Variants in KAZN observed in about 807,000 individuals in gnomAD.
KAZN encodes the protein kazrin.
In KAZN, 40 loss-of-function variants were observed where a neutral mutation model predicts 87.4. The observed-to-expected ratio is 0.46, with a 90% CI of 0.36 to 0.60. The LOEUF is 0.60. Ranked by LOEUF, KAZN falls within the 20% of genes least tolerant of loss-of-function variation. The pLI is 0.00. For synonymous variants in KAZN, 466 were observed against 458.3 expected, an observed-to-expected ratio of 1.02 and a Z score of -0.22; for missense variants, 898 against 1,073.9, an observed-to-expected ratio of 0.84 and a Z score of 2.29.
chr1:14,327,267 C>G (rs1469773116), intron 2 of KAZN, among the ~76,000 whole-genome samples: 1 of 152,118 alleles, frequency 6.6e-6, no homozygotes, highest in Non-Finnish European at 1.5e-5. Flanking sequence ...TGTGTTCTCT[C>G]CAATAGTGGA....
intron 2 of KAZN, among the ~76,000 whole-genome samples, chr1:14,314,205 T>C (rs1457321141): frequency 1.3e-5 from 2 of 152,178 alleles, no homozygotes; most frequent in East Asian, 3.8e-4. Context: ...AAAAAGAGAT[T>C]GCACTACTTG....
chr1:15,026,353 A>C (rs907596432), intron 2 of KAZN, among the ~76,000 whole-genome samples: 1 of 152,184 alleles, frequency 6.6e-6, no homozygotes, highest in South Asian at 2.1e-4. Flanking sequence ...ACAGCTGGGG[A>C]TAGGGAAGCT....
intron 1 of KAZN, among the ~76,000 whole-genome samples, chr1:13,983,220 G>A (rs1286579946): frequency 1.3e-5 from 2 of 152,354 alleles, no homozygotes; most frequent in African/African-American, 4.8e-5. Flanking sequence ...AAGGGGTGGC[G>A]CTCGTGGAGG....
At chr1:14,591,123 G>T (rs1676169019) in intron 2 of KAZN, among the ~76,000 whole-genome samples, 1 of 151,910 alleles carries the variant, frequency 6.6e-6, no homozygotes, top group Admixed American at 6.6e-5. Flanking sequence ...TAGCTTTGTT[G>T]GGGGGACCTC....
intron 1 of KAZN, among the ~76,000 whole-genome samples, chr1:13,936,096 G>GTTTTTTGTTTTTTTT (rs1640726940): frequency 1.2e-5 from 1 of 84,840 alleles, no homozygotes; most frequent in Non-Finnish European, 2.2e-5. Context: ...TACAAGTGCA[G>GTTTTTTGTTTTTTTT]TTTTTTTTTT....
intron 2 of KAZN, among the ~76,000 whole-genome samples, chr1:14,371,410 T>G (rs1401796802): frequency 6.6e-6 from 1 of 152,168 alleles, no homozygotes; most frequent in East Asian, 1.9e-4. Context: ...GGATCAAGGC[T>G]AAGCCCACCC....
At chr1:14,255,307 C>T (rs1298964713) in intron 2 of KAZN, among the ~76,000 whole-genome samples, 1 of 152,038 alleles carries the variant, frequency 6.6e-6, no homozygotes, top group Non-Finnish European at 1.5e-5. Flanking sequence ...CCCTATCACC[C>T]AAACACCTCC....
At chr1:14,256,912 A>C (rs1426927797) in intron 2 of KAZN, among the ~76,000 whole-genome samples, 1 of 152,146 alleles carries the variant, frequency 6.6e-6, no homozygotes, top group Non-Finnish European at 1.5e-5. Flanking sequence ...CTATTTCTTT[A>C]GGAAGTGTTC....
chr1:13,901,896 C>G (rs1267733666), intron 1 of KAZN, among the ~76,000 whole-genome samples: 5 of 152,240 alleles, frequency 3.3e-5, no homozygotes, highest in African/African-American at 1.2e-4. Flanking sequence ...TTTACTTGTG[C>G]TACTGATGTT....
At chr1:14,724,323 C>T (rs1174761471) in intron 1 of KAZN, among the ~76,000 whole-genome samples, 2 of 152,210 alleles carry the variant, frequency 1.3e-5, no homozygotes, top group African/African-American at 4.8e-5. Flanking sequence ...TTCTTATTCT[C>T]TGCACAGTAA....
intron 1 of KAZN, among the ~76,000 whole-genome samples, chr1:13,913,716 G>T (rs1003276358): frequency 3.9e-5 from 6 of 152,176 alleles, no homozygotes; most frequent in Non-Finnish European, 7.3e-5. Flanking sequence ...CTTGGAGGGG[G>T]TGATCCTTTT....
At chr1:14,469,035 AC>A (rs1373856590) in intron 2 of KAZN, among the ~76,000 whole-genome samples, 4 of 152,094 alleles carry the variant, frequency 2.6e-5, no homozygotes, top group African/African-American at 7.2e-5. Flanking sequence ...GAGGCTGACA[AC>A]CAATGTTGAA....
At chr1:14,801,680 TTTTG>T (rs1389765163) in intron 1 of KAZN, among the ~76,000 whole-genome samples, 2 of 141,328 alleles carry the variant, frequency 1.4e-5, no homozygotes, top group Admixed American at 7.2e-5. Flanking sequence ...TTTTTGTTTT[TTTTG>T]TTTTTTTGTT....
chr1:14,084,920 ATG>A (rs1314224575), intron 1 of KAZN, among the ~76,000 whole-genome samples: 3 of 152,142 alleles, frequency 2.0e-5, no homozygotes, highest in African/African-American at 4.8e-5. Flanking sequence ...GTGCATATAT[ATG>A]TGTGTGTGTA....
chr1:14,850,557 A>G (rs1649315756), intron 1 of KAZN, among the ~76,000 whole-genome samples: 2 of 152,174 alleles, frequency 1.3e-5, no homozygotes, highest in South Asian at 4.1e-4. Context: ...GTTTGAACCC[A>G]AGCAACCATC....
At position 14,996,009 on chromosome 1, in the gene KAZN, CT is replaced by C. The variant is rs140315490; in HGVS notation, c.418+35135del. Among the ~76,000 whole-genome samples, 215 of 152,290 alleles carry C rather than the reference CT, an allele frequency of 1.4e-3. 3 individuals carry two copies. In the East Asian group the frequency reaches 0.035, roughly 25 times the overall value. On this transcript the variant is annotated intron_variant, in intron 2 of 14. Transcript: ENST00000376030. The surrounding 1 kb of genome is among the most constrained non-coding windows in gnomAD (Gnocchi z 5.9). ...AACAGTCAGCTGGACCCAAGGGCGG[CT>C]GCCCTATAAGACACCTAATGCCATC...
At chr1:14,297,662 C>T (rs1654230596) in intron 2 of KAZN, among the ~76,000 whole-genome samples, 1 of 152,168 alleles carries the variant, frequency 6.6e-6, no homozygotes, top group Non-Finnish European at 1.5e-5. Context: ...GTCAGTGTGT[C>T]ACTGCCCCCT....
chr1:14,165,605 A>G (rs1645808511), intron 1 of KAZN, among the ~76,000 whole-genome samples: 1 of 152,140 alleles, frequency 6.6e-6, no homozygotes, highest in South Asian at 2.1e-4. Flanking sequence ...TGCTGCCTCC[A>G]AAGCAAAGGA....
At chr1:14,624,399 C>T (rs1164548276) in intron 1 of KAZN, among the ~76,000 whole-genome samples, 1 of 151,242 alleles carries the variant, frequency 6.6e-6, no homozygotes, top group Admixed American at 6.6e-5. Flanking sequence ...TCCAGCCTGG[C>T]CAACAGAGCG....
Sources: allele counts gnomAD v4.1 joint callset (sites outside exome capture counted in the v4.1 genomes callset), GRCh38; gene constraint gnomAD v4.1.1; non-coding constraint Gnocchi (gnomAD v3.1); transcripts MANE v1.5; gene names NCBI Gene and HGNC (gene_info 2026-07-23, HGNC 2026-07-21).